Variants in PRDM14 observed in about 807,000 individuals in gnomAD.
PRDM14 encodes the protein PR domain zinc finger protein 14.
In PRDM14, 16 loss-of-function variants were observed where a neutral mutation model predicts 48.0. That is an observed-to-expected ratio of 0.33 (90% CI 0.23 to 0.51). The LOEUF is 0.51. Ranked by LOEUF, PRDM14 falls within the 20% of genes least tolerant of loss-of-function variation. The pLI, the probability that PRDM14 is intolerant of heterozygous loss-of-function variation, is 0.97. For missense variants in PRDM14, 566 were observed against 719.6 expected (o/e 0.79, Z 2.44); for synonymous variants, 264 against 276.6 (o/e 0.95, Z 0.45).
intron 5 of PRDM14, among the ~76,000 whole-genome samples, chr8:70,059,681 G>A (rs1805543561): frequency 6.6e-6 from 1 of 152,100 alleles, no homozygotes. Context: ...TGACCAACTC[G>A]TAACTAATTT....
At chr8:70,067,524 AAAAAAAC>A (rs1219476555) in intron 4 of PRDM14, among the ~76,000 whole-genome samples, 15 of 146,148 alleles carry the variant, frequency 1.0e-4, no homozygotes, top group African/African-American at 4.1e-4. Context: ...TCTCAAGAAA[AAAAAAAC>A]AAAAAAAAAA....
At chr8:70,055,506 T>C in intron 6 of PRDM14, 105 bp from the exon 7 acceptor site, 1 of 586,932 alleles carries the variant, frequency 1.7e-6, no homozygotes, top group Non-Finnish European at 3.0e-6. Context: ...TTCCAATTTT[T>C]TTCTTTTTTT....
At position 70,054,463 on chromosome 8, in the gene PRDM14, G is replaced by A. The variant is rs181311419; in HGVS notation, c.1488+837C>T. On this transcript the variant is annotated intron_variant, in intron 7 of 7. Coordinates refer to ENST00000276594, the MANE Select transcript of PRDM14 (RefSeq NM_024504.4). ...TGGCACAGCTAGGTAAGCACCAGAGGCAGGATTTGAAACTTGGCCATGTTT... is the reference window on the plus strand; with the variant it reads ...TGGCACAGCTAGGTAAGCACCAGAGACAGGATTTGAAACTTGGCCATGTTT... Among the ~76,000 whole-genome samples the A allele has an allele frequency of 5.7e-4, 86 of 151,888 alleles. 1 individual carries two copies. The highest frequency in any genetic ancestry group is 7.1e-4 in the Non-Finnish European group (48 of 67,976).
intron 5 of PRDM14, 32 bp downstream of exon 5, chr8:70,066,203 C>A: frequency 6.2e-7 from 1 of 1,602,314 alleles, no homozygotes; most frequent in Non-Finnish European, 8.5e-7. Flanking sequence ...ACTGGGATGC[C>A]CTCATTGGGC....
At chr8:70,066,565 T>A in intron 4 of PRDM14, 60 bp from the exon 5 acceptor site, 1 of 1,363,794 alleles carries the variant, frequency 7.3e-7, no homozygotes, top group Non-Finnish European at 1.0e-6. Flanking sequence ...ATCTATAAAA[T>A]AAATTTTTTA....
chr8:70,070,987 C>G (rs1348267115), intron 1 of PRDM14, among the ~76,000 whole-genome samples, 163 bp downstream of exon 1: 1 of 152,200 alleles, frequency 6.6e-6, no homozygotes, highest in Non-Finnish European at 1.5e-5. Flanking sequence ...CGCCCTTCTC[C>G]TAGCCTCCTC....
At chr8:70,063,947 T>C (rs1805625762) in intron 5 of PRDM14, among the ~76,000 whole-genome samples, 1 of 152,074 alleles carries the variant, frequency 6.6e-6, no homozygotes, top group African/African-American at 2.4e-5. Flanking sequence ...CATTTTTGCC[T>C]CCATTCCTAT....
Position 70,069,645 on chromosome 8 carries a change from C to A in PRDM14, c.216G>T (p.Arg72=). The A allele has an allele frequency of 6.4e-7, 1 of 1,569,788 alleles. No individual in the cohort carries two copies. The highest frequency in any genetic ancestry group is 8.6e-7 in the Non-Finnish European group (1 of 1,157,620). The change falls in exon 2 of 8, where the codon CGG becomes CGT. Residue 72 remains arginine, a synonymous_variant. Coordinates refer to ENST00000276594, the MANE Select transcript of PRDM14 (RefSeq NM_024504.4). ...CCGGGCTCAGCAAGGGAGGCGCCAT[C>A]CGGAAGGGGAAGGGGGGCATGGCGG... The part of the protein sequence containing the change: ...AAPAMPPFPF[R]MAPPLLSPGL...
At chr8:70,070,544 C>T (rs1386527779) in intron 1 of PRDM14, among the ~76,000 whole-genome samples, 2 of 152,198 alleles carry the variant, frequency 1.3e-5, no homozygotes. Flanking sequence ...CCTGACTGCC[C>T]GCAGGGGAGG....
chr8:70,064,072 CA>C, intron 5 of PRDM14, among the ~76,000 whole-genome samples: 1 of 152,214 alleles, frequency 6.6e-6, no homozygotes. Flanking sequence ...GAACAAGCAA[CA>C]GAATGAGGGC....
intron 5 of PRDM14, among the ~76,000 whole-genome samples, chr8:70,060,183 T>C (rs1805553080): frequency 6.6e-6 from 1 of 151,816 alleles, no homozygotes; most frequent in African/African-American, 2.4e-5. Context: ...GACAGATCGC[T>C]TGAGCCCAGG....
intron 1 of PRDM14, among the ~76,000 whole-genome samples, chr8:70,070,507 C>T (rs1487262753): frequency 1.3e-5 from 2 of 152,014 alleles, no homozygotes; most frequent in Non-Finnish European, 2.9e-5. Context: ...TCTGGCCCAG[C>T]GGTGTGACCC....
intron 5 of PRDM14, among the ~76,000 whole-genome samples, chr8:70,064,354 C>T (rs1295740084): frequency 6.6e-6 from 1 of 151,936 alleles, no homozygotes; most frequent in Non-Finnish European, 1.5e-5. Context: ...CTTACACGTG[C>T]CTTATTTCAT....
intron 1 of PRDM14, 75 bp from the exon 2 acceptor site, chr8:70,069,959 C>T (rs1010809093): frequency 1.2e-6 from 1 of 828,740 alleles, no homozygotes; most frequent in South Asian, 1.8e-5. Context: ...CCCCACCAGC[C>T]TCCTCCACCC....
intron 6 of PRDM14, among the ~76,000 whole-genome samples, chr8:70,056,501 A>G (rs1205979522): frequency 6.6e-6 from 1 of 152,082 alleles, no homozygotes; most frequent in Non-Finnish European, 1.5e-5. Context: ...TTTATTTTTG[A>G]GGCAGAGCCT....
chr8:70,055,797 C>T (rs890292359), intron 6 of PRDM14, among the ~76,000 whole-genome samples: 3 of 152,164 alleles, frequency 2.0e-5, no homozygotes, highest in South Asian at 2.1e-4. Flanking sequence ...CCACGGCACC[C>T]GACCTGAGAG....
intron 6 of PRDM14, among the ~76,000 whole-genome samples, chr8:70,057,330 ATTT>A (rs879939829): frequency 3.4e-5 from 4 of 119,110 alleles, no homozygotes; most frequent in Non-Finnish European, 1.8e-5. Flanking sequence ...ATAAGACAAT[ATTT>A]TTTTTTTTTT....
At chr8:70,068,117 C>T in intron 4 of PRDM14, 113 bp downstream of exon 4, 1 of 1,204,080 alleles carries the variant, frequency 8.3e-7, no homozygotes, top group Admixed American at 1.9e-5. Flanking sequence ...GATATCTGCC[C>T]TGGATGTCCT....
intron 1 of PRDM14, among the ~76,000 whole-genome samples, chr8:70,070,938 A>T (rs1342260671): frequency 6.6e-6 from 1 of 152,172 alleles, no homozygotes; most frequent in Non-Finnish European, 1.5e-5. Context: ...GTCAGCCACG[A>T]CACAGGCAGC....
Sources: gnomAD v4.1 joint callset for allele counts (sites outside exome capture counted in the v4.1 genomes callset) on GRCh38, gnomAD v4.1.1 for gene constraint, MANE v1.5 for transcripts, NCBI Gene and HGNC (gene_info 2026-07-23, HGNC 2026-07-21) for gene names.